The following FOSL2 variants were observed in gnomAD, a reference collection of about 807,000 sequenced individuals.
FOSL2 encodes fos-related antigen 2.
Under a neutral mutation model 27.7 loss-of-function variants are expected in FOSL2, and 3 were observed. That is an observed-to-expected ratio of 0.11 (90% confidence interval 0.05 to 0.28). The LOEUF is 0.28. FOSL2 is among the 10% of genes least tolerant of loss of function. The pLI, the probability that FOSL2 is intolerant of heterozygous loss-of-function variation, is 1.00. For synonymous variants in FOSL2, 179 were observed against 190.1 expected (o/e 0.94, Z 0.48); for missense variants, 333 against 445.1 (o/e 0.75, Z 2.27).
chr2:28,401,517 G>A (rs1663972937), intron 1 of FOSL2, among the ~76,000 whole-genome samples: 2 of 152,108 alleles, frequency 1.3e-5, no homozygotes, highest in South Asian at 2.1e-4. Flanking sequence ...GCTAAGCCAG[G>A]CCTCAACCCC....
rs1283799249 is a variant in FOSL2 at position 28,410,310 on chromosome 2, C to T, written c.462+1444C>T. On this transcript the variant is annotated intron_variant, in intron 3 of 3. Transcript: ENST00000264716. ...ATTGGCACTTCAAGGAGCTGTGCCC[C>T]ATGTGGCGCTCCTCACCACCCGCCC... 2.6e-5 allele frequency among the ~76,000 whole-genome samples: 4 copies of T among 152,260 alleles called. No individual in the cohort carries two copies. The East Asian group carries it at 7.7e-4, about 29-fold the overall frequency.
intron 1 of FOSL2, among the ~76,000 whole-genome samples, chr2:28,401,379 G>A (rs572214834): frequency 5.3e-5 from 8 of 152,082 alleles, no homozygotes; most frequent in Non-Finnish European, 1.0e-4. Context: ...AACCACTGGC[G>A]TGCTTTTATA....
Position 28,408,640 on chromosome 2 carries a change from C to A in FOSL2, c.355-119C>A. 1.5e-6 allele frequency: 1 copy of A among 682,230 alleles called. No individual in the cohort carries two copies. 42.3% of individuals were successfully genotyped at this position (682,230 alleles called of 1,614,324 possible). On this transcript the variant is annotated intron_variant, in intron 2 of 3. Transcript: ENST00000264716. This position sits in a 1 kb window ranked among gnomAD's most constrained non-coding sequence, Gnocchi z 4.1. ...TGAGTCCAGCCATGCTCCTCTTGCCCTTCCTTCTCCTTTCTCCATTTCCAG... is the reference window on the plus strand; with the variant it reads ...TGAGTCCAGCCATGCTCCTCTTGCCATTCCTTCTCCTTTCTCCATTTCCAG...
Position 28,404,291 on chromosome 2 carries a change from C to T in FOSL2, c.287C>T (p.Ala96Val). 1 of 1,614,188 alleles carries T rather than the reference C, an allele frequency of 6.2e-7. No individual in the cohort carries two copies. The highest frequency in any genetic ancestry group is 8.5e-7 in the Non-Finnish European group (1 of 1,180,030). Residue 96 changes from alanine (A) to valine (V), a missense_variant, in exon 2 of 4, where the codon GCC (alanine) becomes GTC (valine). Ala to Val is a moderately conservative substitution (Grantham distance 64, BLOSUM62 0). This residue lies in a region of FOSL2 where 131 missense variants were observed against 157.9 expected (regional missense o/e 0.83). Coordinates refer to ENST00000264716, the MANE Select transcript of FOSL2 (RefSeq NM_005253.4). This position sits in a 1 kb window ranked among gnomAD's most constrained non-coding sequence, Gnocchi z 4.7. ...PGLASVPGHM[A>V]LPRPGVIKTI... ...CTGGCCTCTGTCCCTGGACACATGG[C>T]CCTCCCAAGACCTGGCGTGATCAAG...
rs2148087510 is a variant in FOSL2 at position 28,404,164 on chromosome 2, A to G, written c.160A>G (p.Ile54Val). ...TGCATTCATCCCCACCATCAACGCC[A>G]TCACGACCAGCCAGGACCTGCAGTG... is the stretch of plus-strand genomic sequence containing the variant. The part of the protein sequence containing the change: ...GSAFIPTINA[I>V]TTSQDLQWMV... The change falls in exon 2 of 4, where the codon ATC becomes GTC. Residue 54 changes from isoleucine (I) to valine (V), a missense_variant. Physicochemically the swap from Ile to Val is conservative, Grantham distance 29. Coordinates refer to ENST00000264716, the MANE Select transcript of FOSL2 (RefSeq NM_005253.4). The surrounding 1 kb of genome is among the most constrained non-coding windows in gnomAD (Gnocchi z 4.7). 1.2e-6 allele frequency: 2 copies of G among 1,614,210 alleles called. No homozygotes were observed. Among genetic ancestry groups the G allele is most frequent in the East Asian group, 4.5e-5 (2 of 44,886 alleles).
In FOSL2 at chr2:28,412,550, G is replaced by A. The variant is rs760598702; in HGVS notation, c.*102G>A. The A allele has an allele frequency of 1.0e-5, 14 of 1,382,112 alleles. No individual in the cohort carries two copies. The highest frequency in any genetic ancestry group is 1.4e-5 in the Non-Finnish European group (14 of 1,024,842). 85.6% of individuals were successfully genotyped at this position (1,382,112 alleles called of 1,614,324 possible). ...CTCCAGGGCCGTGAGGGCAAGAGGGGGACCTGCCACCAGGGAGCTTCCTGG... is the reference window on the plus strand; with the variant it reads ...CTCCAGGGCCGTGAGGGCAAGAGGGAGACCTGCCACCAGGGAGCTTCCTGG... On this transcript the variant is annotated 3_prime_UTR_variant, in exon 4 of 4. Transcript: ENST00000264716. This position sits in a 1 kb window ranked among gnomAD's most constrained non-coding sequence, Gnocchi z 7.1.
chr2:28,406,351 C>T (rs1375342860), intron 2 of FOSL2, among the ~76,000 whole-genome samples: 7 of 152,256 alleles, frequency 4.6e-5, no homozygotes, highest in African/African-American at 7.2e-5. Flanking sequence ...CGTGAGCCAC[C>T]GCGCCCGGCC....
intron 1 of FOSL2, among the ~76,000 whole-genome samples, chr2:28,394,137 G>GCA (rs1663750643): frequency 1.2e-5 from 1 of 80,862 alleles, no homozygotes; most frequent in Non-Finnish European, 2.4e-5. Context: ...CCCAGTGTCT[G>GCA]CCCCCCCCCC....
At chr2:28,409,975 G>A (rs761067971) in intron 3 of FOSL2, among the ~76,000 whole-genome samples, 5 of 152,108 alleles carry the variant, frequency 3.3e-5, no homozygotes, top group African/African-American at 7.2e-5. Context: ...TCCTGACCTC[G>A]GGTGATCTGC....
intron 1 of FOSL2, among the ~76,000 whole-genome samples, chr2:28,401,893 C>T (rs1484697932): frequency 1.3e-5 from 2 of 152,160 alleles, no homozygotes; most frequent in African/African-American, 2.4e-5. Context: ...GGTAACTTTC[C>T]TCCAGTATCC....
chr2:28,404,142 A>C lies in FOSL2; in HGVS notation c.138A>C (p.Ala46=). Residue 46 remains alanine, a synonymous_variant, in exon 2 of 4, where the codon GCA becomes GCC. Coordinates refer to ENST00000264716, the MANE Select transcript of FOSL2 (RefSeq NM_005253.4). The surrounding 1 kb of genome is among the most constrained non-coding windows in gnomAD (Gnocchi z 4.7). ...FRVDMPGSGS[A]FIPTINAITT... is the part of the protein sequence containing the mutation. ...TAGATATGCCTGGCTCAGGCAGTGC[A>C]TTCATCCCCACCATCAACGCCATCA... 6.2e-7 allele frequency: 1 copy of C among 1,614,130 alleles called. No homozygotes were observed. Among genetic ancestry groups the C allele is most frequent in the East Asian group, 2.2e-5 (1 of 44,882 alleles).
chr2:28,402,110 G>A (rs182160404), intron 1 of FOSL2, among the ~76,000 whole-genome samples: 1 of 149,362 alleles, frequency 6.7e-6, no homozygotes, highest in Admixed American at 6.7e-5. Context: ...AATGCATTGT[G>A]CTGGGTAACT....
rs896628117 is a variant in FOSL2, at chr2:28,417,308, T to C, written c.*4860T>C. The stretch of plus-strand genomic sequence containing the variant: ...TTTTGTAGAATAAAATGAATTAAGA[T>C]TGAAGAGCCTCTGATGGTTGGTTTA... On this transcript the variant is annotated 3_prime_UTR_variant, in exon 4 of 4. Transcript: ENST00000264716. 1 of 152,048 alleles carries C rather than the reference T, an allele frequency of 6.6e-6. No individual in the cohort carries two copies. The highest frequency in any genetic ancestry group is 2.4e-5 in the African/African-American group (1 of 41,376). 9.4% of individuals were successfully genotyped at this position (152,048 alleles called of 1,614,324 possible). A position where few individuals can be genotyped will look rare whatever the true frequency, so the allele number is the denominator to read the frequency against.
rs762345143 is a variant in FOSL2 at position 28,412,067 on chromosome 2, G to A, written c.600G>A (p.Ser200=). The part of the protein sequence containing the change: ...VCKISPEERR[S]PPAPGLQPMR... ...AGATTAGCCCCGAGGAGCGCCGATC[G>A]CCCCCAGCCCCTGGGCTGCAGCCCA... The change falls in exon 4 of 4, where the codon TCG becomes TCA. Residue 200 remains serine, a synonymous_variant. Transcript: ENST00000264716. The surrounding 1 kb of genome is among the most constrained non-coding windows in gnomAD (Gnocchi z 7.1). 26 of 1,607,164 alleles carry A rather than the reference G, an allele frequency of 1.6e-5. 1 individual carries two copies. The East Asian group carries it at 3.1e-4, about 19-fold the overall frequency.
chr2:28,398,778 T>C (rs1663913495), intron 1 of FOSL2, among the ~76,000 whole-genome samples: 1 of 152,234 alleles, frequency 6.6e-6, no homozygotes, highest in Non-Finnish European at 1.5e-5. Flanking sequence ...ACAGTTTCCA[T>C]TGTGACATAG....
At chr2:28,410,756 A>G (rs915003040) in intron 3 of FOSL2, among the ~76,000 whole-genome samples, 2 of 152,226 alleles carry the variant, frequency 1.3e-5, no homozygotes, top group Non-Finnish European at 2.9e-5. Flanking sequence ...GCATCCTCAC[A>G]GGCCCTCTCG....
intron 1 of FOSL2, among the ~76,000 whole-genome samples, chr2:28,400,574 C>T (rs1425232891): frequency 6.6e-6 from 1 of 152,190 alleles, no homozygotes; most frequent in Non-Finnish European, 1.5e-5. Flanking sequence ...CCGGGCCCCT[C>T]TGGGGATGGG....
chr2:28,403,975 G>A, intron 1 of FOSL2, 132 bp from the exon 2 acceptor site: 1 of 1,010,762 alleles, frequency 9.9e-7, no homozygotes, highest in Non-Finnish European at 1.5e-6. Flanking sequence ...CCCACCTGGG[G>A]TCCTGACCTT....
chr2:28,412,699 G>A lies in FOSL2; in HGVS notation c.*251G>A. The A allele has an allele frequency of 1.9e-6, 1 of 517,570 alleles. No homozygotes were observed. The highest frequency in any genetic ancestry group is 3.2e-5 in the Admixed American group (1 of 31,578). The allele number at this position is 517,570 out of a possible 1,614,324, so 32.1% of individuals were successfully genotyped here. A position where few individuals can be genotyped will look rare whatever the true frequency, so the allele number is the denominator to read the frequency against. ...AAATCCCATTTCTTGAAAAGCCTTGGAGAACTCGGTTTGGTAGACTTGGAC... is the reference window on the plus strand; with the variant it reads ...AAATCCCATTTCTTGAAAAGCCTTGAAGAACTCGGTTTGGTAGACTTGGAC... On this transcript the variant is annotated 3_prime_UTR_variant, in exon 4 of 4. Transcript: ENST00000264716. This position sits in a 1 kb window ranked among gnomAD's most constrained non-coding sequence, Gnocchi z 7.1.
Sources: gnomAD v4.1 joint callset for allele counts (sites outside exome capture counted in the v4.1 genomes callset) on GRCh38, gnomAD v4.1.1 for gene constraint, gnomAD v4.1.1 regional missense constraint, Gnocchi (gnomAD v3.1) non-coding constraint, MANE v1.5 for transcripts, NCBI Gene and HGNC (gene_info 2026-07-23, HGNC 2026-07-21) for gene names.